ESR1: variants seen among roughly 807,000 people sequenced by gnomAD.
ESR1 encodes the protein estrogen receptor 1.
Under a neutral mutation model 52.7 loss-of-function variants are expected in ESR1, and 12 were observed. The observed-to-expected ratio is 0.23, with a 90% CI of 0.15 to 0.37. The LOEUF (loss-of-function observed/expected upper bound fraction) is 0.37, where lower values mean the gene tolerates loss of function less well. Ranked by LOEUF, ESR1 falls within the 10% of genes least tolerant of loss-of-function variation. ESR1 has a pLI of 1.00. For synonymous variants in ESR1, 305 were observed against 316.8 expected (o/e 0.96, Z 0.39); for missense variants, 584 against 779.7 (o/e 0.75, Z 2.99).
At chr6:151,821,570 C>T (rs1178945953) in intron 1 of ESR1, among the ~76,000 whole-genome samples, 1 of 152,182 alleles carries the variant, frequency 6.6e-6, no homozygotes, top group African/African-American at 2.4e-5. Context: ...CCTTGCCAGA[C>T]TTCCCTGGAG....
intron 5 of ESR1, among the ~76,000 whole-genome samples, chr6:152,025,561 A>G (rs2044077180): frequency 6.6e-6 from 1 of 151,846 alleles, no homozygotes; most frequent in South Asian, 2.1e-4. Flanking sequence ...TGTTTAAAAA[A>G]TTTCTCTGGT....
chr6:152,042,805 C>T (rs1286685889), intron 5 of ESR1, among the ~76,000 whole-genome samples: 1 of 132,442 alleles, frequency 7.6e-6, no homozygotes, highest in Non-Finnish European at 1.7e-5. Flanking sequence ...AATGCCAGAG[C>T]TCTACACAAG....
chr6:151,844,920 A>G (rs908933189), intron 2 of ESR1, among the ~76,000 whole-genome samples: 5 of 152,230 alleles, frequency 3.3e-5, no homozygotes, highest in African/African-American at 9.6e-5. Flanking sequence ...AAAGTAAGTC[A>G]GTATTGATAA....
intron 2 of ESR1, among the ~76,000 whole-genome samples, chr6:151,762,982 T>A (rs1477622156): frequency 2.0e-5 from 3 of 151,720 alleles, no homozygotes; most frequent in Non-Finnish European, 4.4e-5. Flanking sequence ...TAAATATTTT[T>A]AATATATTTC....
intron 4 of ESR1, among the ~76,000 whole-genome samples, chr6:151,965,781 C>T (rs1214529552): frequency 6.6e-6 from 1 of 152,052 alleles, no homozygotes; most frequent in Non-Finnish European, 1.5e-5. Flanking sequence ...TTTCCCCTAC[C>T]CATTCTCCCC....
chr6:151,681,156 A>T (rs1457323643), intron 1 of ESR1, among the ~76,000 whole-genome samples: 1 of 152,190 alleles, frequency 6.6e-6, no homozygotes, highest in Admixed American at 6.5e-5. Flanking sequence ...TCTGGTCCCC[A>T]GCTCGTCTTC....
At position 151,705,276 on chromosome 6, in the gene ESR1, TG is replaced by T. The variant is rs1322352376; in HGVS notation, c.-71+3272del. Among the ~76,000 whole-genome samples, 3 of 152,152 alleles carry T rather than the reference TG, an allele frequency of 2.0e-5. No homozygotes were observed. The East Asian group carries it at 5.8e-4, about 29-fold the overall frequency. ...CCCATGCTGACTTCTCTTCCTCTAG[TG>T]AAAATGTGTCATCAGATTTGGTCCC... On this transcript the variant is annotated intron_variant, in intron 2 of 2. Coordinates refer to the ESR1 transcript ENST00000404742.
chr6:151,964,720 C>A (rs974427410), intron 4 of ESR1, among the ~76,000 whole-genome samples: 1 of 151,700 alleles, frequency 6.6e-6, no homozygotes, highest in Non-Finnish European at 1.5e-5. Context: ...CCACTCACTG[C>A]AAGCTCTGCC....
At chr6:151,919,781 A>C (rs2031207137) in intron 3 of ESR1, among the ~76,000 whole-genome samples, 1 of 152,198 alleles carries the variant, frequency 6.6e-6, no homozygotes, top group African/African-American at 2.4e-5. Context: ...AACTTACTTG[A>C]GGAAGGAACA....
chr6:152,097,401 G>GA (rs747488512), intron 7 of ESR1, among the ~76,000 whole-genome samples: 9,224 of 139,130 alleles, frequency 0.066, 365 homozygotes, highest in Middle Eastern at 0.11. Flanking sequence ...CATTTTAAAT[G>GA]AAAAAAAAAA....
At chr6:151,744,857 G>A (rs1056409691) in intron 2 of ESR1, among the ~76,000 whole-genome samples, 4 of 152,144 alleles carry the variant, frequency 2.6e-5, no homozygotes, top group Admixed American at 2.0e-4. Flanking sequence ...TTATATTTAG[G>A]TCTGATTCAT....
intron 2 of ESR1, among the ~76,000 whole-genome samples, chr6:151,740,789 C>A (rs1783039765): frequency 6.6e-6 from 1 of 152,040 alleles, no homozygotes; most frequent in Non-Finnish European, 1.5e-5. Context: ...CTGAAAATTT[C>A]TTTTTAGTCA....
At chr6:151,841,610 T>C (rs1241945615) in intron 1 of ESR1, among the ~76,000 whole-genome samples, 2 of 152,180 alleles carry the variant, frequency 1.3e-5, no homozygotes, top group Non-Finnish European at 2.9e-5. Flanking sequence ...TTTTTTTAGC[T>C]TTCTACTTTC....
intron 5 of ESR1, among the ~76,000 whole-genome samples, chr6:152,036,940 T>G (rs2045357101): frequency 6.6e-6 from 1 of 152,186 alleles, no homozygotes; most frequent in Non-Finnish European, 1.5e-5. Context: ...ATTAAGTCCT[T>G]GGGAATACAC....
chr6:151,789,678 C>T (rs1463455743), intron 2 of ESR1, among the ~76,000 whole-genome samples: 30 of 152,182 alleles, frequency 2.0e-4, no homozygotes, highest in Non-Finnish European at 4.4e-5. Flanking sequence ...ATTTCTAAGT[C>T]ATAAACGGCC....
chr6:151,891,143 AT>A (rs1316658150), intron 3 of ESR1, among the ~76,000 whole-genome samples: 3 of 152,128 alleles, frequency 2.0e-5, no homozygotes, highest in Non-Finnish European at 1.5e-5. Flanking sequence ...ACTTTGATTA[AT>A]TTTTTAATAC....
chr6:151,727,241 A>G (rs1366379828), intron 2 of ESR1, among the ~76,000 whole-genome samples: 1 of 151,328 alleles, frequency 6.6e-6, no homozygotes, highest in East Asian at 1.9e-4. Context: ...TTGCTCTGTC[A>G]CCCAGGCTGG....
chr6:151,754,370 T>C (rs1217542700), intron 2 of ESR1, among the ~76,000 whole-genome samples: 1 of 152,088 alleles, frequency 6.6e-6, no homozygotes, highest in Admixed American at 6.5e-5. Context: ...GAGTGTTTAT[T>C]TTATTTAGCC....
intron 2 of ESR1, among the ~76,000 whole-genome samples, chr6:151,787,195 AGTCT>A: frequency 6.6e-6 from 1 of 152,064 alleles, no homozygotes; most frequent in South Asian, 2.1e-4. Context: ...CTGTTCCATC[AGTCT>A]ATGTGTCTGT....
Sources: gnomAD v4.1 joint callset for allele counts (sites outside exome capture counted in the v4.1 genomes callset) on GRCh38, gnomAD v4.1.1 for gene constraint, MANE v1.5 for transcripts, NCBI Gene and HGNC (gene_info 2026-07-23, HGNC 2026-07-21) for gene names.